The following CLVS1 variants were observed in gnomAD, a reference collection of about 807,000 sequenced individuals.
CLVS1 encodes the protein clavesin 1, also known as clavesin-1.
CLVS1 carries 10 observed loss-of-function variants against 33.1 expected under a neutral mutation model. The ratio of observed to expected loss-of-function variants is 0.30; its 90% CI spans 0.19 to 0.51. The LOEUF is 0.51. Ranked by LOEUF, CLVS1 falls within the 20% of genes least tolerant of loss-of-function variation. The pLI, the probability that CLVS1 is intolerant of heterozygous loss-of-function variation, is 0.97. For missense variants in CLVS1, 343 were observed against 433.4 expected (o/e 0.79, Z 1.85); for synonymous variants, 163 against 166.1 (o/e 0.98, Z 0.14).
intron 1 of CLVS1, among the ~76,000 whole-genome samples, chr8:61,096,763 C>T (rs1301220941): frequency 2.6e-5 from 4 of 152,140 alleles, no homozygotes; most frequent in Non-Finnish European, 4.4e-5. Flanking sequence ...TAGCATTTCA[C>T]ATTTATGAAG....
chr8:61,215,365 C>T (rs1808061269), intron 2 of CLVS1, among the ~76,000 whole-genome samples: 1 of 152,066 alleles, frequency 6.6e-6, no homozygotes. Context: ...GGCACATGGT[C>T]AGTGGGAATG....
chr8:61,010,011 C>G, the CLVS1 span, among the ~76,000 whole-genome samples: 11 of 152,142 alleles, frequency 7.2e-5, no homozygotes, highest in Admixed American at 6.5e-4. Context: ...TCTCCTTGCT[C>G]CCTTGACCAC....
In CLVS1 at chr8:61,288,349, C is replaced by T. The variant is rs190104515; in HGVS notation, c.-152+211C>T. 4.6e-4 allele frequency: 203 copies of T among 444,320 alleles called. 1 individual carries two copies. Among genetic ancestry groups the T allele is most frequent in the Admixed American group, 1.9e-3 (79 of 41,830 alleles). 27.5% of individuals were successfully genotyped at this position (444,320 alleles called of 1,614,324 possible). Reference sequence around the variant, plus strand: ...CTCCCGGCGCCCGCTCAGCCTGCGCCCCCTTACACATCAGCACCCCCATCT... The same window carrying T: ...CTCCCGGCGCCCGCTCAGCCTGCGCTCCCTTACACATCAGCACCCCCATCT... On this transcript the variant is annotated intron_variant, in intron 1 of 5. Coordinates refer to ENST00000325897, the MANE Select transcript of CLVS1 (RefSeq NM_173519.3).
At chr8:61,164,902 A>G (rs1806826865) in intron 2 of CLVS1, among the ~76,000 whole-genome samples, 1 of 152,246 alleles carries the variant, frequency 6.6e-6, no homozygotes. Flanking sequence ...TTGGAGCCAT[A>G]TTATTACCAG....
the CLVS1 span, among the ~76,000 whole-genome samples, chr8:61,029,231 C>T: frequency 6.6e-6 from 1 of 152,158 alleles, no homozygotes; most frequent in Non-Finnish European, 1.5e-5. Flanking sequence ...GGACTCTAAC[C>T]CAGGTTTATT....
intron 2 of CLVS1, among the ~76,000 whole-genome samples, chr8:61,272,957 G>C (rs1378347097): frequency 2.7e-5 from 4 of 149,838 alleles, no homozygotes; most frequent in Non-Finnish European, 4.5e-5. Context: ...CCGTAGCTCA[G>C]AGTAATTTGA....
At chr8:61,317,067 G>A (rs1302659299) in intron 2 of CLVS1, among the ~76,000 whole-genome samples, 1 of 152,042 alleles carries the variant, frequency 6.6e-6, no homozygotes, top group East Asian at 1.9e-4. Context: ...GTTACTAAAT[G>A]TTGTCTTAGT....
chr8:61,216,530 A>G (rs1231934886), intron 2 of CLVS1, among the ~76,000 whole-genome samples: 1 of 152,214 alleles, frequency 6.6e-6, no homozygotes, highest in African/African-American at 2.4e-5. Context: ...GTGCGTTTGA[A>G]CAGAGAAGAG....
chr8:61,221,144 C>CT (rs1808207051), intron 2 of CLVS1, among the ~76,000 whole-genome samples: 2 of 152,196 alleles, frequency 1.3e-5, no homozygotes, highest in South Asian at 4.1e-4. Flanking sequence ...GACAACTTGA[C>CT]TTCCTCTCTT....
intron 1 of CLVS1, among the ~76,000 whole-genome samples, chr8:61,127,913 A>T (rs1806006133): frequency 1.3e-5 from 2 of 152,248 alleles, no homozygotes; most frequent in Admixed American, 1.3e-4. Flanking sequence ...AGTAGTTAAG[A>T]TGACAGACAC....
chr8:61,341,300 A>G (rs1296148133), intron 2 of CLVS1, among the ~76,000 whole-genome samples: 2 of 152,200 alleles, frequency 1.3e-5, no homozygotes, highest in Non-Finnish European at 2.9e-5. Flanking sequence ...CGGCAGCATG[A>G]AGCTGTTAAA....
chr8:61,232,040 T>TG lies in CLVS1; in HGVS notation c.-151-67637_-151-67636insG, dbSNP rs1443929436. 2.6e-3 allele frequency among the ~76,000 whole-genome samples: 358 copies of TG among 136,382 alleles called. 16 individuals carry two copies. The highest frequency in any genetic ancestry group is 8.2e-3 in the African/African-American group (269 of 32,776). 89.5% of individuals were successfully genotyped at this position (136,382 alleles called of 152,430 possible). ...AAGTTGTGGTTTTTTTTTTTTTTTT[T>TG]TTTTTTTTTTGTGAGATGGAGTCTC... is the stretch of plus-strand genomic sequence containing the variant. On this transcript the variant is annotated intron_variant, in intron 2 of 2. Transcript: ENST00000522621.
intron 2 of CLVS1, among the ~76,000 whole-genome samples, chr8:61,234,537 A>G (rs1045274133): frequency 6.6e-6 from 1 of 152,180 alleles, no homozygotes; most frequent in Admixed American, 6.5e-5. Context: ...GATGAGGCAC[A>G]TATTGAGACT....
chr8:61,081,607 G>A (rs902382553), intron 1 of CLVS1, among the ~76,000 whole-genome samples: 2 of 152,188 alleles, frequency 1.3e-5, no homozygotes, highest in African/African-American at 4.8e-5. Flanking sequence ...CCAGAGATGG[G>A]CATGTTGGTG....
the CLVS1 span, among the ~76,000 whole-genome samples, chr8:60,974,240 G>A: frequency 6.6e-6 from 1 of 152,140 alleles, no homozygotes; most frequent in Non-Finnish European, 1.5e-5. Context: ...CACTCCCCAA[G>A]TCCCCTGCCT....
chr8:61,189,681 T>C (rs967664899), intron 2 of CLVS1, among the ~76,000 whole-genome samples: 4 of 152,070 alleles, frequency 2.6e-5, no homozygotes, highest in Non-Finnish European at 5.9e-5. Flanking sequence ...GAGGAAGATC[T>C]ACCAAGCCAA....
At position 61,302,397 on chromosome 8, in the gene CLVS1, C is replaced by A. The variant is rs79439325; in HGVS notation, c.455+2115C>A. Among the ~76,000 whole-genome samples the A allele has an allele frequency of 6.8e-4, 104 of 152,260 alleles. No homozygotes were observed. In the East Asian group the frequency reaches 0.013, roughly 19 times the overall value. On this transcript the variant is annotated intron_variant, in intron 2 of 5. Transcript: ENST00000325897. ...TTATGATTCATTCATCTTTATCATT[C>A]ACTCAACATTCAGTGAGTATAGACT...
chr8:61,420,677 A>G (rs1197471882), intron 3 of CLVS1, among the ~76,000 whole-genome samples: 1 of 152,152 alleles, frequency 6.6e-6, no homozygotes, highest in Non-Finnish European at 1.5e-5. Context: ...TGAATACTCA[A>G]AAACATATGC....
chr8:61,161,258 A>G (rs1030474119), intron 2 of CLVS1, among the ~76,000 whole-genome samples: 2 of 152,212 alleles, frequency 1.3e-5, no homozygotes, highest in Admixed American at 1.3e-4. Flanking sequence ...GGGAAACACT[A>G]TGGAGGCACC....
Sources: allele counts gnomAD v4.1 joint callset (sites outside exome capture counted in the v4.1 genomes callset), GRCh38; gene constraint gnomAD v4.1.1; transcripts MANE v1.5; gene names NCBI Gene and HGNC (gene_info 2026-07-23, HGNC 2026-07-21).